The following NEK10 variants were observed in gnomAD, a reference collection of about 807,000 sequenced individuals.
NEK10 encodes the protein serine/threonine-protein kinase Nek10.
In NEK10, 122 loss-of-function variants were observed where a neutral mutation model predicts 159.8. The ratio of observed to expected loss-of-function variants is 0.76; its 90% confidence interval spans 0.66 to 0.89. The LOEUF (loss-of-function observed/expected upper bound fraction) is 0.89, where lower values mean the gene tolerates loss of function less well. Ranked by LOEUF, NEK10 falls within the 40% of genes least tolerant of loss-of-function variation. The pLI is 0.00. For synonymous variants in NEK10, 466 were observed against 457.1 expected (o/e 1.02, Z -0.25); for missense variants, 1,342 against 1,323.1 (o/e 1.01, Z -0.22).
intron 32 of NEK10, among the ~76,000 whole-genome samples, chr3:27,128,070 C>T (rs574243221): frequency 1.3e-5 from 2 of 152,116 alleles, no homozygotes; most frequent in South Asian, 4.1e-4. Context: ...AAACTTTTCC[C>T]GTAAAGGATC....
At chr3:27,365,961 A>T (rs538418704) in intron 1 of NEK10, among the ~76,000 whole-genome samples, 1 of 152,254 alleles carries the variant, frequency 6.6e-6, no homozygotes, top group Admixed American at 6.5e-5. Context: ...GTTCACTTTC[A>T]TCTAGAAGAT....
chr3:27,139,563 G>A (rs553831081), intron 31 of NEK10, among the ~76,000 whole-genome samples: 1 of 152,320 alleles, frequency 6.6e-6, no homozygotes, highest in African/African-American at 2.4e-5. Context: ...GGTAGGCCAA[G>A]AAGGGTAAAA....
intron 31 of NEK10, among the ~76,000 whole-genome samples, chr3:27,140,151 GC>G (rs1943642579): frequency 6.6e-6 from 1 of 152,176 alleles, no homozygotes. Context: ...TAGATGGTCT[GC>G]CTATTAAAGT....
intron 23 of NEK10, among the ~76,000 whole-genome samples, chr3:27,226,743 G>A (rs896022148): frequency 2.0e-5 from 3 of 151,616 alleles, no homozygotes; most frequent in African/African-American, 7.3e-5. Flanking sequence ...TTTATTCTTA[G>A]AAAAAAAGAT....
intron 23 of NEK10, among the ~76,000 whole-genome samples, chr3:27,205,613 T>C (rs1190373671): frequency 7.2e-6 from 1 of 139,300 alleles, no homozygotes; most frequent in African/African-American, 2.9e-5. Context: ...GTGGAAAGGA[T>C]TCCCTATTTA....
chr3:27,313,568 G>A (rs2044883407), intron 7 of NEK10, among the ~76,000 whole-genome samples: 1 of 152,130 alleles, frequency 6.6e-6, no homozygotes, highest in South Asian at 2.1e-4. Context: ...TGAAGCAGGA[G>A]GATTGCTTGG....
chr3:27,139,246 G>A (rs1943535622), intron 31 of NEK10, among the ~76,000 whole-genome samples: 1 of 152,126 alleles, frequency 6.6e-6, no homozygotes, highest in Admixed American at 6.6e-5. Flanking sequence ...TAAAACCAAG[G>A]TCACTCTGAG....
chr3:27,255,632 G>A (rs923932312), intron 23 of NEK10, among the ~76,000 whole-genome samples: 5 of 152,118 alleles, frequency 3.3e-5, no homozygotes, highest in Non-Finnish European at 7.4e-5. Context: ...CAAATGACAT[G>A]TGATCAGCAA....
intron 30 of NEK10, among the ~76,000 whole-genome samples, chr3:27,146,314 T>A (rs1575497230): frequency 6.6e-6 from 1 of 152,160 alleles, no homozygotes; most frequent in Non-Finnish European, 1.5e-5. Context: ...TAACTACAAA[T>A]TAAACCCAAA....
chr3:27,220,332 G>A (rs1020646967), intron 23 of NEK10, among the ~76,000 whole-genome samples: 6 of 152,188 alleles, frequency 3.9e-5, no homozygotes, highest in Non-Finnish European at 8.8e-5. Flanking sequence ...TCTAGAGACT[G>A]CCCACATTCC....
At chr3:27,165,584 CA>C (rs1266760102) in intron 29 of NEK10, among the ~76,000 whole-genome samples, 2 of 152,176 alleles carry the variant, frequency 1.3e-5, no homozygotes. Context: ...CATTGACCAA[CA>C]GCACTTCAGG....
At chr3:27,260,822 T>G (rs2040346122) in intron 22 of NEK10, among the ~76,000 whole-genome samples, 1 of 152,190 alleles carries the variant, frequency 6.6e-6, no homozygotes, top group African/African-American at 2.4e-5. Flanking sequence ...GTACCTCTGG[T>G]AGAATTCGGC....
At chr3:27,284,125 C>T (rs2042400262) in intron 22 of NEK10, among the ~76,000 whole-genome samples, 1 of 152,184 alleles carries the variant, frequency 6.6e-6, no homozygotes, top group Non-Finnish European at 1.5e-5. Flanking sequence ...GGGGCTCACA[C>T]CTGCAATCCC....
rs545394930 is a variant in NEK10, at chr3:27,363,767, T to C, written c.-38+5458A>G. On this transcript the variant is annotated intron_variant, in intron 1 of 35. Transcript: ENST00000691995. ...CATTGTGTCAAGTGTAGCATACACA[T>C]GTGTATTATATGAATGCCACTGTCT... 5.3e-5 allele frequency: 8 copies of C among 152,308 alleles called. No homozygotes were observed. The South Asian group carries it at 8.3e-4, about 16-fold the overall frequency. The allele number at this position is 152,308 out of a possible 1,614,324, so 9.4% of individuals were successfully genotyped here.
intron 23 of NEK10, among the ~76,000 whole-genome samples, chr3:27,221,765 C>T (rs1047994206): frequency 6.6e-6 from 1 of 152,094 alleles, no homozygotes; most frequent in African/African-American, 2.4e-5. Flanking sequence ...CTGCCTGGTC[C>T]CTCCACCCCC....
intron 1 of NEK10, among the ~76,000 whole-genome samples, chr3:27,357,824 G>T (rs1407375663): frequency 2.0e-5 from 3 of 152,024 alleles, no homozygotes; most frequent in African/African-American, 7.2e-5. Flanking sequence ...GAGTCTGAGG[G>T]GACTAACCCA....
At chr3:27,264,078 C>A (rs1342707369) in intron 22 of NEK10, among the ~76,000 whole-genome samples, 1 of 151,968 alleles carries the variant, frequency 6.6e-6, no homozygotes, top group Non-Finnish European at 1.5e-5. Context: ...TGTGACTTGC[C>A]CAATGTCTCA....
Position 27,259,460 on chromosome 3 carries a change from G to A in NEK10, c.2015-3089C>T, listed in dbSNP as rs547138689. Among the ~76,000 whole-genome samples the A allele has an allele frequency of 2.3e-4, 35 of 152,182 alleles. No homozygotes were observed. In the East Asian group the frequency reaches 3.7e-3, roughly 16 times the overall value. ...ATGGCTAGCGAGTTTTCCCAGCACC[G>A]TTTATTAAATAGGGAATCCTTTCCC... is the stretch of plus-strand genomic sequence containing the variant. On this transcript the variant is annotated intron_variant, in intron 22 of 35. Coordinates refer to ENST00000691995, the MANE Select transcript of NEK10 (RefSeq NM_001394966.1).
intron 23 of NEK10, among the ~76,000 whole-genome samples, chr3:27,224,642 C>A (rs542135399): frequency 6.6e-6 from 1 of 152,190 alleles, no homozygotes; most frequent in African/African-American, 2.4e-5. Flanking sequence ...TATTTGCTGT[C>A]CTTCCTTCCC....
Sources: allele counts gnomAD v4.1 joint callset (sites outside exome capture counted in the v4.1 genomes callset), GRCh38; gene constraint gnomAD v4.1.1; transcripts MANE v1.5; gene names NCBI Gene and HGNC (gene_info 2026-07-23, HGNC 2026-07-21).